Variants in CUL4A observed in about 807,000 individuals in gnomAD.
CUL4A encodes cullin 4A, also known as cullin-4A.
In CUL4A, 16 loss-of-function variants were observed where a neutral mutation model predicts 95.5. The observed-to-expected ratio is 0.17, with a 90% CI of 0.11 to 0.25. CUL4A has a LOEUF of 0.25. Among genes scored for constraint, CUL4A ranks in the 10% least tolerant of loss-of-function variants. CUL4A has a pLI of 1.00. For synonymous variants in CUL4A, 380 were observed against 353.1 expected (o/e 1.08, Z -0.85); for missense variants, 610 against 937.0 (o/e 0.65, Z 4.56).
chr13:113,259,788 T>C (rs932906916), intron 18 of CUL4A, among the ~76,000 whole-genome samples: 1 of 152,236 alleles, frequency 6.6e-6, no homozygotes, highest in African/African-American at 2.4e-5. Flanking sequence ...AAATAACTTT[T>C]AAAAATATTT....
At chr13:113,213,167 C>T (rs1235194081) in intron 2 of CUL4A, among the ~76,000 whole-genome samples, 1 of 152,072 alleles carries the variant, frequency 6.6e-6, no homozygotes, top group African/African-American at 2.4e-5. Context: ...GTGGCCTGAT[C>T]GCTTGAGCCC....
At chr13:113,208,633 AT>A, upstream of CUL4A, 1 of 1,607,208 alleles carries the variant, frequency 6.2e-7, no homozygotes, top group Non-Finnish European at 8.5e-7. Context: ...AATGTGCGCC[AT>A]GGGAGCGCCG....
chr13:113,242,927 T>C (rs750162690), intron 10 of CUL4A, 41 bp from the exon 11 acceptor site: 3 of 1,512,494 alleles, frequency 2.0e-6, no homozygotes, highest in African/African-American at 2.7e-5. Context: ...TGTTTGCTAT[T>C]GTAAACATGT....
At chr13:113,208,380 C>T (rs2040106298), upstream of CUL4A, 7 of 1,436,618 alleles carry the variant, frequency 4.9e-6, no homozygotes, top group South Asian at 1.0e-4. Flanking sequence ...CCACGGACAC[C>T]GCCCGGCCCC....
At chr13:113,254,164 G>A (rs9549716) in intron 16 of CUL4A, among the ~76,000 whole-genome samples, 33,600 of 151,828 alleles carry the variant, frequency 0.22, 4,764 homozygotes, top group East Asian at 0.55. Flanking sequence ...CCGCAGAGGG[G>A]GCCACCAACT....
intron 3 of CUL4A, among the ~76,000 whole-genome samples, chr13:113,223,988 A>G (rs991760141): frequency 6.6e-6 from 1 of 152,234 alleles, no homozygotes; most frequent in Non-Finnish European, 1.5e-5. Flanking sequence ...CAGCTGCTGC[A>G]GAACCCACAC....
chr13:113,254,969 C>T lies in CUL4A; in HGVS notation c.1875C>T (p.Arg625=). The change falls in exon 18 of 20, where the codon CGC becomes CGT. Residue 625 remains arginine (R), a synonymous_variant. Coordinates refer to ENST00000375440, the MANE Select transcript of CUL4A (RefSeq NM_001008895.4). ...MATGIEDSEL[R]RTLQSLACGK... Reference sequence around the variant, plus strand: ...CCCATTCAGAGGATAGTGAATTGCGCAGAACGCTGCAGTCCCTGGCCTGTG... The same window carrying T: ...CCCATTCAGAGGATAGTGAATTGCGTAGAACGCTGCAGTCCCTGGCCTGTG... 6.2e-7 allele frequency: 1 copy of T among 1,612,702 alleles called. No homozygotes were observed. Among genetic ancestry groups the T allele is most frequent in the African/African-American group, 1.3e-5 (1 of 75,022 alleles).
intron 9 of CUL4A, among the ~76,000 whole-genome samples, chr13:113,238,997 TG>T (rs2041628459): frequency 6.6e-6 from 1 of 152,254 alleles, no homozygotes; most frequent in South Asian, 2.1e-4. Context: ...TATCCGATGA[TG>T]TTTTTCTCTT....
At chr13:113,227,928 T>C (rs767918472) in intron 3 of CUL4A, 48 bp from the exon 4 acceptor site, 1 of 1,086,800 alleles carries the variant, frequency 9.2e-7, no homozygotes, top group Non-Finnish European at 1.4e-6. Context: ...AAAAAGGTAA[T>C]AATTAAATTG....
rs147063912 is a variant in CUL4A, at chr13:113,244,685, C to G, written c.1333+171C>G. Reference sequence around the variant, plus strand: ...TGAAACCCCGTCTCTACTAAAAATACAAAACATTAGCCAGGCGTGGTGGCA... The same window carrying G: ...TGAAACCCCGTCTCTACTAAAAATAGAAAACATTAGCCAGGCGTGGTGGCA... On this transcript the variant is annotated intron_variant, in intron 12 of 19. Transcript: ENST00000375440. Among the ~76,000 whole-genome samples, 1,118 of 152,184 alleles carry G rather than the reference C, an allele frequency of 7.3e-3. 19 individuals carry two copies. The highest frequency in any genetic ancestry group is 0.025 in the African/African-American group (1,047 of 41,540).
At chr13:113,219,082 A>G in intron 3 of CUL4A, 34 bp downstream of exon 3, 2 of 1,350,382 alleles carry the variant, frequency 1.5e-6, no homozygotes, top group Non-Finnish European at 2.1e-6. Context: ...GTTTCTATTC[A>G]TTATCTAAGT....
chr13:113,266,942 T>G lies in CUL4A; in HGVS notation c.*3360T>G, dbSNP rs1235151814. 1 of 152,226 alleles carries G rather than the reference T, an allele frequency of 6.6e-6. No individual in the cohort carries two copies. Among genetic ancestry groups the G allele is most frequent in the African/African-American group, 2.4e-5 (1 of 41,458 alleles). 9.4% of individuals were successfully genotyped at this position (152,226 alleles called of 1,614,324 possible). On this transcript the variant is annotated 3_prime_UTR_variant, in exon 20 of 20. Coordinates refer to ENST00000375440, the MANE Select transcript of CUL4A (RefSeq NM_001008895.4). ...AAATTATGCATACATTGTGGACTAGTCAAGCTAGTTACATCCATCACCTCA... is the reference window on the plus strand; with the variant it reads ...AAATTATGCATACATTGTGGACTAGGCAAGCTAGTTACATCCATCACCTCA...
chr13:113,246,979 A>G (rs2139247787), intron 15 of CUL4A, among the ~76,000 whole-genome samples: 1 of 152,310 alleles, frequency 6.6e-6, no homozygotes, highest in Admixed American at 6.5e-5. Context: ...TCATTGGCTC[A>G]TGGTTCTGCA....
intron 3 of CUL4A, among the ~76,000 whole-genome samples, chr13:113,224,512 G>A (rs985974343): frequency 2.6e-5 from 4 of 152,250 alleles, no homozygotes; most frequent in Admixed American, 6.5e-5. Context: ...TAGCCGTGTG[G>A]TCAGAAGGGA....
chr13:113,254,031 A>C (rs1217933954), intron 16 of CUL4A, among the ~76,000 whole-genome samples: 3 of 152,076 alleles, frequency 2.0e-5, no homozygotes, highest in African/African-American at 7.2e-5. Flanking sequence ...CCAGTTTTTT[A>C]CCTACTTGCT....
chr13:113,239,859 C>A (rs1422044978), intron 10 of CUL4A, among the ~76,000 whole-genome samples: 2 of 152,184 alleles, frequency 1.3e-5, no homozygotes, highest in African/African-American at 4.8e-5. Context: ...CATGATTTTT[C>A]CTAAAGTAAT....
At chr13:113,251,165 C>A (rs1276973624) in intron 15 of CUL4A, among the ~76,000 whole-genome samples, 2 of 152,170 alleles carry the variant, frequency 1.3e-5, no homozygotes, top group Non-Finnish European at 2.9e-5. Context: ...TCACACTGTG[C>A]TATAGATGCT....
At chr13:113,234,991 C>CA (rs1378976926) in intron 7 of CUL4A, 72 bp from the exon 8 acceptor site, 1 of 1,163,438 alleles carries the variant, frequency 8.6e-7, no homozygotes, top group African/African-American at 1.5e-5. Context: ...GTAAGGAAAA[C>CA]AAAATCTCAA....
intron 2 of CUL4A, among the ~76,000 whole-genome samples, chr13:113,215,474 C>T (rs1003137582): frequency 4.3e-5 from 6 of 138,118 alleles, no homozygotes; most frequent in African/African-American, 8.4e-5. Context: ...CTATGGAGGT[C>T]GCTATGTGAC....
Sources: gnomAD v4.1 joint callset for allele counts (sites outside exome capture counted in the v4.1 genomes callset) on GRCh38, gnomAD v4.1.1 for gene constraint, MANE v1.5 for transcripts, NCBI Gene and HGNC (gene_info 2026-07-23, HGNC 2026-07-21) for gene names.